Variants in CHRM3 observed in about 807,000 individuals in gnomAD.
The protein encoded by CHRM3 is muscarinic acetylcholine receptor M3.
Under a neutral mutation model 41.8 loss-of-function variants are expected in CHRM3, and 11 were observed. The ratio of observed to expected loss-of-function variants is 0.26; its 90% CI spans 0.17 to 0.44. The LOEUF is 0.44. Ranked by LOEUF, CHRM3 falls within the 20% of genes least tolerant of loss-of-function variation. CHRM3 has a pLI of 1.00. For missense variants in CHRM3, 571 were observed against 745.4 expected (o/e 0.77, Z 2.72); for synonymous variants, 297 against 301.4 (o/e 0.99, Z 0.15).
chr1:239,648,352 C>T (rs1207910578), intron 4 of CHRM3, among the ~76,000 whole-genome samples: 1 of 152,188 alleles, frequency 6.6e-6, no homozygotes, highest in Non-Finnish European at 1.5e-5. Flanking sequence ...TTTCACCCTA[C>T]ATTGCCATTG....
chr1:239,418,353 G>GTT (rs1661670836), intron 1 of CHRM3, among the ~76,000 whole-genome samples: 1 of 151,942 alleles, frequency 6.6e-6, no homozygotes, highest in African/African-American at 2.4e-5. Flanking sequence ...GTGTGTGTGT[G>GTT]TATCTTTAAA....
intron 2 of CHRM3, among the ~76,000 whole-genome samples, chr1:239,529,310 C>G (rs925297274): frequency 5.3e-5 from 8 of 152,008 alleles, no homozygotes; most frequent in Non-Finnish European, 1.2e-4. Context: ...ATAACTGATA[C>G]ATTATAAGAT....
rs942897786 is a variant in CHRM3 at position 239,859,696 on chromosome 1, G to A, written c.-20+32318G>A. Among the ~76,000 whole-genome samples, 9 of 151,198 alleles carry A rather than the reference G, an allele frequency of 6.0e-5. No individual in the cohort carries two copies. In the East Asian group the frequency reaches 7.8e-4, roughly 13 times the overall value. On this transcript the variant is annotated intron_variant, in intron 6 of 6. Coordinates refer to ENST00000676153, the MANE Select transcript of CHRM3 (RefSeq NM_001375978.1). Reference sequence around the variant, plus strand: ...CTCCCAAATTGCTAGGATTACAGGCGTGAGCCACCACTCCCAGCCATACTG... The same window carrying A: ...CTCCCAAATTGCTAGGATTACAGGCATGAGCCACCACTCCCAGCCATACTG...
intron 3 of CHRM3, among the ~76,000 whole-genome samples, chr1:239,627,011 A>G (rs1314814477): frequency 7.6e-6 from 1 of 130,908 alleles, no homozygotes; most frequent in Non-Finnish European, 1.7e-5. Context: ...GTAGATGTCT[A>G]TTAGGTCTGC....
At chr1:239,408,292 C>G (rs1297100938) in intron 1 of CHRM3, 1 of 152,088 alleles carries the variant, frequency 6.6e-6, no homozygotes, top group South Asian at 2.1e-4. Context: ...AATTGTGAGT[C>G]AATTAAACCT....
intron 2 of CHRM3, among the ~76,000 whole-genome samples, chr1:239,542,953 T>C (rs1478455305): frequency 1.3e-5 from 2 of 152,258 alleles, no homozygotes; most frequent in African/African-American, 4.8e-5. Context: ...TTCTTCGTTT[T>C]ACATTTTTAC....
chr1:239,887,004 T>G (rs1254327215), intron 6 of CHRM3, among the ~76,000 whole-genome samples: 2 of 152,198 alleles, frequency 1.3e-5, no homozygotes, highest in Admixed American at 1.3e-4. Flanking sequence ...TTTGTCTCTT[T>G]GTCTTCCTTA....
intron 4 of CHRM3, among the ~76,000 whole-genome samples, chr1:239,661,684 A>T (rs185943836): frequency 6.6e-6 from 1 of 152,306 alleles, no homozygotes; most frequent in Admixed American, 6.5e-5. Flanking sequence ...AGGTTGGAGC[A>T]TGCGGTATTT....
intron 2 of CHRM3, among the ~76,000 whole-genome samples, chr1:239,506,876 G>T (rs1668607640): frequency 6.6e-6 from 1 of 152,202 alleles, no homozygotes; most frequent in African/African-American, 2.4e-5. Flanking sequence ...GTGAGACATG[G>T]TGTCAAAGGA....
intron 3 of CHRM3, among the ~76,000 whole-genome samples, chr1:239,612,654 A>G (rs1354425712): frequency 6.6e-6 from 1 of 152,204 alleles, no homozygotes; most frequent in Non-Finnish European, 1.5e-5. Flanking sequence ...TTTCTTCTCC[A>G]GGCTTTCTTT....
At chr1:239,713,198 G>T (rs1339655980) in intron 5 of CHRM3, among the ~76,000 whole-genome samples, 1 of 152,166 alleles carries the variant, frequency 6.6e-6, no homozygotes, top group African/African-American at 2.4e-5. Context: ...AGTGAATTCC[G>T]AATTGGAAGT....
intron 4 of CHRM3, among the ~76,000 whole-genome samples, chr1:239,671,691 G>T (rs189580000): frequency 2.6e-5 from 4 of 151,940 alleles, no homozygotes; most frequent in African/African-American, 9.6e-5. Context: ...TTTTGAGGAG[G>T]TGAGGTGGGG....
chr1:239,543,269 G>A (rs200398896), intron 2 of CHRM3, among the ~76,000 whole-genome samples: 1 of 152,248 alleles, frequency 6.6e-6, no homozygotes, highest in East Asian at 1.9e-4. Context: ...CATGAAGTGT[G>A]GCTGAGTCTG....
intron 6 of CHRM3, among the ~76,000 whole-genome samples, chr1:239,871,461 C>T (rs1171332632): frequency 2.0e-5 from 3 of 152,030 alleles, no homozygotes; most frequent in Admixed American, 6.6e-5. Flanking sequence ...AGGATGATCT[C>T]GATCTCTTGA....
At chr1:239,864,143 G>T (rs1305588333) in intron 6 of CHRM3, among the ~76,000 whole-genome samples, 2 of 151,922 alleles carry the variant, frequency 1.3e-5, no homozygotes, top group African/African-American at 4.8e-5. Context: ...TACTTAGGAG[G>T]CCGAGGAAAG....
chr1:239,724,807 T>C lies in CHRM3; in HGVS notation c.-147+46519T>C, dbSNP rs1169110898. ...AGAAATTCTAATTGCCAGCTCTTTC[T>C]TCCCTGGCCCCCACATCTAATCAAC... On this transcript the variant is annotated intron_variant, in intron 5 of 6. Transcript: ENST00000676153. 3.3e-5 allele frequency among the ~76,000 whole-genome samples: 5 copies of C among 151,980 alleles called. No individual in the cohort carries two copies. The East Asian group carries it at 9.7e-4, about 30-fold the overall frequency.
At chr1:239,649,889 C>T (rs974575647) in intron 4 of CHRM3, among the ~76,000 whole-genome samples, 14 of 152,176 alleles carry the variant, frequency 9.2e-5, no homozygotes, top group African/African-American at 3.4e-4. Context: ...AGGTACTAGG[C>T]AGCAGGGCAC....
chr1:239,664,474 G>A (rs1673562395), intron 4 of CHRM3, among the ~76,000 whole-genome samples: 1 of 152,096 alleles, frequency 6.6e-6, no homozygotes, highest in Non-Finnish European at 1.5e-5. Flanking sequence ...GGAGAAAACG[G>A]TTGCCATTGC....
intron 5 of CHRM3, among the ~76,000 whole-genome samples, chr1:239,776,933 A>C (rs931598767): frequency 1.3e-5 from 2 of 152,148 alleles, no homozygotes; most frequent in African/African-American, 4.8e-5. Context: ...CATGGAGGTA[A>C]CCATCCCCAT....
Sources: allele counts gnomAD v4.1 joint callset (sites outside exome capture counted in the v4.1 genomes callset), GRCh38; gene constraint gnomAD v4.1.1; transcripts MANE v1.5; gene names NCBI Gene and HGNC (gene_info 2026-07-23, HGNC 2026-07-21).